The following NLGN1 variants were observed in gnomAD, a reference collection of about 807,000 sequenced individuals.
NLGN1 encodes the protein neuroligin-1.
Under a neutral mutation model 65.5 loss-of-function variants are expected in NLGN1, and 12 were observed. The ratio of observed to expected loss-of-function variants is 0.18; its 90% CI spans 0.12 to 0.30. The LOEUF (loss-of-function observed/expected upper bound fraction) is 0.30, where lower values mean the gene tolerates loss of function less well. Ranked by LOEUF, NLGN1 falls within the 10% of genes least tolerant of loss-of-function variation. NLGN1 has a pLI of 1.00. For missense variants in NLGN1, 750 were observed against 1,007.1 expected, an observed-to-expected ratio of 0.74 and a Z score of 3.46; for synonymous variants, 350 against 359.5, an observed-to-expected ratio of 0.97 and a Z score of 0.30.
chr3:173,467,260 T>C (rs686656), intron 2 of NLGN1, among the ~76,000 whole-genome samples: 115,718 of 151,950 alleles, frequency 0.76, 46,059 homozygotes, highest in East Asian at 0.97. Flanking sequence ...TTGTCAAATA[T>C]GTGCACTAGA....
At chr3:173,511,247 A>G (rs1732913699) in intron 2 of NLGN1, among the ~76,000 whole-genome samples, 2 of 152,158 alleles carry the variant, frequency 1.3e-5, no homozygotes, top group African/African-American at 4.8e-5. Flanking sequence ...TTTATTTTAT[A>G]TAGCCTGTTT....
intron 3 of NLGN1, among the ~76,000 whole-genome samples, chr3:173,606,527 T>C (rs1751434625): frequency 6.6e-6 from 1 of 152,186 alleles, no homozygotes; most frequent in Non-Finnish European, 1.5e-5. Flanking sequence ...ATTCTATCTC[T>C]CTATGCACTT....
chr3:173,502,544 A>G (rs1731314312), intron 2 of NLGN1, among the ~76,000 whole-genome samples: 1 of 152,174 alleles, frequency 6.6e-6, no homozygotes, highest in Admixed American at 6.6e-5. Flanking sequence ...CTTCATGAGC[A>G]CACGTTTCAA....
At chr3:174,176,510 T>C (rs1729472374) in intron 4 of NLGN1, among the ~76,000 whole-genome samples, 1 of 152,002 alleles carries the variant, frequency 6.6e-6, no homozygotes, top group Non-Finnish European at 1.5e-5. Context: ...ACTCCCTTTC[T>C]CTACTAAGCA....
chr3:173,897,137 TC>T (rs373157642), intron 4 of NLGN1, among the ~76,000 whole-genome samples: 32 of 152,196 alleles, frequency 2.1e-4, no homozygotes, highest in African/African-American at 6.8e-4. Context: ...ATTCCACTGA[TC>T]CCATGATTGT....
chr3:173,610,946 G>A lies in NLGN1; in HGVS notation c.493+5855G>A, dbSNP rs148159286. Among the ~76,000 whole-genome samples, 942 of 152,114 alleles carry A rather than the reference G, an allele frequency of 6.2e-3. 10 individuals carry two copies. Among genetic ancestry groups the A allele is most frequent in the African/African-American group, 0.022 (917 of 41,538 alleles). On this transcript the variant is annotated intron_variant, in intron 3 of 6. Transcript: ENST00000457714. ...AATAAAGAAATATTTTTATACAACA[G>A]CAAACGAACAATATTAAATACAGGC... is the stretch of plus-strand genomic sequence containing the variant.
intron 4 of NLGN1, among the ~76,000 whole-genome samples, chr3:173,840,841 A>G (rs1307501842): frequency 1.3e-5 from 2 of 152,146 alleles, no homozygotes; most frequent in African/African-American, 2.4e-5. Flanking sequence ...TTGCCTCAAA[A>G]GCTTTTACTA....
intron 4 of NLGN1, among the ~76,000 whole-genome samples, chr3:174,194,591 G>T (rs532958904): frequency 6.5e-4 from 99 of 151,662 alleles, no homozygotes; most frequent in African/African-American, 2.2e-3. Context: ...AAATCATCAG[G>T]CTATTTGTAG....
chr3:173,529,976 T>C (rs1218055318), intron 2 of NLGN1, among the ~76,000 whole-genome samples: 2 of 151,738 alleles, frequency 1.3e-5, no homozygotes, highest in South Asian at 2.1e-4. Flanking sequence ...CTTTTTTTTT[T>C]AGATAGAGTC....
chr3:173,772,619 A>G (rs1429065504), intron 3 of NLGN1, among the ~76,000 whole-genome samples: 1 of 152,142 alleles, frequency 6.6e-6, no homozygotes, highest in African/African-American at 2.4e-5. Flanking sequence ...ATTCCGTCCC[A>G]CTTAGATAAC....
At chr3:173,442,966 G>A (rs1560258330) in intron 2 of NLGN1, among the ~76,000 whole-genome samples, 1 of 152,070 alleles carries the variant, frequency 6.6e-6, no homozygotes, top group African/African-American at 2.4e-5. Flanking sequence ...ACCAGTTTAC[G>A]GAAATGACAG....
At chr3:173,921,164 G>A (rs924181935) in intron 4 of NLGN1, among the ~76,000 whole-genome samples, 2 of 143,346 alleles carry the variant, frequency 1.4e-5, no homozygotes, top group Non-Finnish European at 3.0e-5. Context: ...ATATATATAT[G>A]TAATATATAT....
At chr3:173,632,660 C>T (rs770202419) in intron 3 of NLGN1, among the ~76,000 whole-genome samples, 2 of 152,052 alleles carry the variant, frequency 1.3e-5, no homozygotes, top group Non-Finnish European at 2.9e-5. Context: ...CAAATATTTG[C>T]ATCACTTGAA....
intron 4 of NLGN1, among the ~76,000 whole-genome samples, chr3:174,265,647 A>G (rs977041909): frequency 2.0e-5 from 3 of 151,430 alleles, no homozygotes; most frequent in South Asian, 2.1e-4. Flanking sequence ...CTTCTGCATC[A>G]CTCATGCTGG....
intron 4 of NLGN1, among the ~76,000 whole-genome samples, chr3:174,142,144 T>C (rs547727999): frequency 7.9e-5 from 12 of 152,332 alleles, no homozygotes; most frequent in African/African-American, 2.6e-4. Context: ...TATAGTATCA[T>C]TTTGTATGTT....
chr3:173,566,795 C>G (rs143270737), intron 2 of NLGN1, among the ~76,000 whole-genome samples: 1 of 152,270 alleles, frequency 6.6e-6, no homozygotes, highest in Admixed American at 6.5e-5. Flanking sequence ...ACTTCTTTAT[C>G]TCTAGCATTT....
At chr3:174,117,754 C>A (rs948010709) in intron 4 of NLGN1, among the ~76,000 whole-genome samples, 1 of 152,156 alleles carries the variant, frequency 6.6e-6, no homozygotes, top group African/African-American at 2.4e-5. Flanking sequence ...TGCCTATCAG[C>A]TGGAAAGCTC....
intron 4 of NLGN1, among the ~76,000 whole-genome samples, chr3:173,843,627 CAA>C (rs1283408329): frequency 2.0e-5 from 3 of 152,162 alleles, no homozygotes; most frequent in African/African-American, 7.2e-5. Flanking sequence ...TAAAACATAA[CAA>C]GAGTCACCTT....
rs201585403 is a variant in NLGN1, at chr3:174,280,922, G to A, written c.2091G>A (p.Leu697=). 1.2e-6 allele frequency: 2 copies of A among 1,613,176 alleles called. No individual in the cohort carries two copies. The highest frequency in any genetic ancestry group is 1.3e-5 in the African/African-American group (1 of 74,812). Residue 697 remains leucine (L), a synonymous_variant, in exon 7 of 7, where the codon CTG becomes CTA. Coordinates refer to ENST00000457714, the Ensembl canonical transcript of NLGN1. This position sits in a 1 kb window ranked among gnomAD's most constrained non-coding sequence, Gnocchi z 4.9. ...TGAACATCTTGGCCTTTGCAGCCCT[G>A]TACTACAAAAAGGATAAGAGGAGAC...
Sources: allele counts gnomAD v4.1 joint callset (sites outside exome capture counted in the v4.1 genomes callset), GRCh38; gene constraint gnomAD v4.1.1; non-coding constraint Gnocchi (gnomAD v3.1); transcripts MANE v1.5; gene names NCBI Gene and HGNC (gene_info 2026-07-23, HGNC 2026-07-21).